CMYA5: variants seen among roughly 807,000 people sequenced by gnomAD.
CMYA5 encodes the protein cardiomyopathy-associated protein 5.
A neutral mutation model predicts 318.9 loss-of-function variants in CMYA5; 246 were observed. The ratio of observed to expected loss-of-function variants is 0.77; its 90% confidence interval spans 0.70 to 0.86. The LOEUF is 0.86. CMYA5 is among the 40% of genes least tolerant of loss of function. The probability of loss-of-function intolerance (pLI) is 0.00; values close to 1 mark genes in which losing one functional copy is unlikely to be tolerated. For synonymous variants in CMYA5, 1,641 were observed against 1,729.5 expected (o/e 0.95, Z 1.27); for missense variants, 4,589 against 4,678.2 (o/e 0.98, Z 0.56).
chr5:79,786,560 C>T (rs1363366161), intron 9 of CMYA5, among the ~76,000 whole-genome samples: 2 of 152,156 alleles, frequency 1.3e-5, no homozygotes, highest in African/African-American at 4.8e-5. Flanking sequence ...GCAAACTATG[C>T]AATGCTTGTT....
intron 1 of CMYA5, among the ~76,000 whole-genome samples, chr5:79,697,007 CAAA>C (rs77068414): frequency 7.3e-6 from 1 of 137,348 alleles, no homozygotes; most frequent in Non-Finnish European, 1.6e-5. Context: ...AACTCCATCT[CAAA>C]AAAAAAAAAT....
At chr5:79,710,932 A>G (rs191917688) in intron 1 of CMYA5, among the ~76,000 whole-genome samples, 1 of 152,296 alleles carries the variant, frequency 6.6e-6, no homozygotes. Flanking sequence ...TCCTGAAGAG[A>G]TGTAAGTGCT....
chr5:79,708,944 T>C (rs1161270377), intron 1 of CMYA5, among the ~76,000 whole-genome samples: 4 of 152,030 alleles, frequency 2.6e-5, no homozygotes, highest in Admixed American at 6.6e-5. Context: ...CCTGTCTCAA[T>C]TTTTTTTAAA....
At position 79,713,704 on chromosome 5, in the gene CMYA5, AT is replaced by A. The variant is rs1827457634; in HGVS notation, c.150-15210del. Among the ~76,000 whole-genome samples the A allele has an allele frequency of 2.6e-5, 4 of 152,212 alleles. No homozygotes were observed. In the South Asian group the frequency reaches 8.3e-4, roughly 32 times the overall value. ...GGCTCTTTTTTAACTCTGGAGAGAAATGATTTTTGTAATTCCAGAGTTCTCG... is the reference window on the plus strand; with the variant it reads ...GGCTCTTTTTTAACTCTGGAGAGAAAGATTTTTGTAATTCCAGAGTTCTCG... On this transcript the variant is annotated intron_variant, in intron 1 of 12. Coordinates refer to ENST00000446378, the MANE Select transcript of CMYA5 (RefSeq NM_153610.5).
rs141031593 is a variant in CMYA5 at position 79,775,561 on chromosome 5, A to G, written c.11555+12352A>G. Among the ~76,000 whole-genome samples the G allele has an allele frequency of 8.3e-3, 1,261 of 152,338 alleles. 17 individuals carry two copies. Among genetic ancestry groups the G allele is most frequent in the African/African-American group, 0.027 (1,136 of 41,574 alleles). On this transcript the variant is annotated intron_variant, in intron 9 of 12. Coordinates refer to ENST00000446378, the MANE Select transcript of CMYA5 (RefSeq NM_153610.5). ...AGGGGGAGACAGCAAGAGGAAAAAA[A>G]GAGATTACATAACTCATCTCTTTTT...
intron 7 of CMYA5, among the ~76,000 whole-genome samples, chr5:79,760,625 T>C (rs1348929346): frequency 6.6e-6 from 1 of 152,120 alleles, no homozygotes; most frequent in Non-Finnish European, 1.5e-5. Context: ...ACCAGATCTC[T>C]TGAGAACTCA....
At chr5:79,695,098 G>T (rs139607619) in intron 1 of CMYA5, among the ~76,000 whole-genome samples, 1 of 152,218 alleles carries the variant, frequency 6.6e-6, no homozygotes, top group African/African-American at 2.4e-5. Context: ...ACACAAAAAA[G>T]TCCATAGTCC....
Position 79,731,873 on chromosome 5 carries a change from C to T in CMYA5, c.3108C>T (p.Ser1036=). The change falls in exon 2 of 13, where the codon TCC becomes TCT. Residue 1036 remains serine, a synonymous_variant. Transcript: ENST00000446378. ...LLTAVSASGY[S]CFSEADEEDI... Reference sequence around the variant, plus strand: ...CTGCAGTGTCTGCTTCAGGTTATTCCTGCTTTTCAGAAGCAGATGAGGAAG... The same window carrying T: ...CTGCAGTGTCTGCTTCAGGTTATTCTTGCTTTTCAGAAGCAGATGAGGAAG... 6.2e-7 allele frequency: 1 copy of T among 1,613,512 alleles called. No individual in the cohort carries two copies. The highest frequency in any genetic ancestry group is 8.5e-7 in the Non-Finnish European group (1 of 1,179,746).
In CMYA5 at chr5:79,738,400, C is replaced by G. The variant is rs1828134273; in HGVS notation, c.9635C>G (p.Ser3212Cys). ...GEKKKEEETA[S>C]EGDSVNSEAS... ...AAAAAGAAGGAAGAGGAGACAGCTT[C>G]TGAAGGTGACAGTGTGAATTCTGAG... Residue 3212 changes from serine (S) to cysteine (C), a missense_variant, in exon 2 of 13, where the codon TCT (serine) becomes TGT (cysteine). By Grantham distance (112) the Ser-to-Cys change is moderately radical. This residue lies in a region of CMYA5 where 2,431 missense variants were observed against 2,495.1 expected (regional missense o/e 0.97). Coordinates refer to ENST00000446378, the MANE Select transcript of CMYA5 (RefSeq NM_153610.5). 6.2e-7 allele frequency: 1 copy of G among 1,613,764 alleles called. No homozygotes were observed.
intron 1 of CMYA5, among the ~76,000 whole-genome samples, chr5:79,690,964 A>G (rs1561623318): frequency 6.6e-6 from 1 of 152,258 alleles, no homozygotes; most frequent in Non-Finnish European, 1.5e-5. Context: ...ATGGATGGTC[A>G]GACAAGAAGT....
chr5:79,755,836 A>C (rs1003311265), intron 6 of CMYA5, among the ~76,000 whole-genome samples: 2 of 122,926 alleles, frequency 1.6e-5, no homozygotes, highest in Admixed American at 1.6e-4. Context: ...CAAAATTTCT[A>C]ACCTACATAC....
At chr5:79,755,215 G>T (rs983223240) in intron 6 of CMYA5, among the ~76,000 whole-genome samples, 1 of 152,056 alleles carries the variant, frequency 6.6e-6, no homozygotes, top group East Asian at 1.9e-4. Flanking sequence ...GCAGAGGGGT[G>T]ATTCTTCTAC....
chr5:79,762,370 A>C (rs1398659793), intron 8 of CMYA5: 1 of 161,068 alleles, frequency 6.2e-6, no homozygotes, highest in Non-Finnish European at 1.4e-5. Flanking sequence ...AGAGGCATCA[A>C]GGCAAGAAAC....
rs59212409 is a variant in CMYA5 at position 79,737,155 on chromosome 5, G to A, written c.8390G>A (p.Arg2797His). 9.7e-3 allele frequency: 15,723 copies of A among 1,612,796 alleles called. 1,304 individuals are homozygous for A. In the African/African-American group the frequency reaches 0.18, roughly 19 times the overall value. Reference protein sequence around the residue: ...PSKESERTLARPFDETKSSET... With the variant: ...PSKESERTLAHPFDETKSSET... ...AAAGAATCCGAAAGGACTTTAGCTCGTCCTTTTGATGAAACTAAGAGCTCA... is the reference window on the plus strand; with the variant it reads ...AAAGAATCCGAAAGGACTTTAGCTCATCCTTTTGATGAAACTAAGAGCTCA... Residue 2797 changes from arginine (R) to histidine (H), a missense_variant, in exon 2 of 13, where the codon CGT (arginine) becomes CAT (histidine). Physicochemically the swap from Arg to His is conservative, Grantham distance 29 (BLOSUM62 0). Around this residue, in one of 3 missense-constraint regions of CMYA5, gnomAD observed 2,431 missense variants for 2,495.1 expected, o/e 0.97. Coordinates refer to ENST00000446378, the MANE Select transcript of CMYA5 (RefSeq NM_153610.5).
At position 79,791,034 on chromosome 5, in the gene CMYA5, A is replaced by G; in HGVS notation, c.11754A>G (p.Thr3918=). 1 of 1,613,860 alleles carries G rather than the reference A, an allele frequency of 6.2e-7. No individual in the cohort carries two copies. Residue 3918 remains threonine (T), a synonymous_variant, in exon 11 of 13, where the codon ACA becomes ACG. Transcript: ENST00000446378. ...CTCTACACATTTCCTCAAGTGGGACAGTGATCAGCTTTGGTGAGAGGAGAC... is the reference window on the plus strand; with the variant it reads ...CTCTACACATTTCCTCAAGTGGGACGGTGATCAGCTTTGGTGAGAGGAGAC... ...HPALHISSSG[T]VISFGERRRL... is the part of the protein sequence containing the mutation.
rs1214940004 is a variant in CMYA5 at position 79,730,816 on chromosome 5, C to T, written c.2051C>T (p.Ala684Val). ...PEYMVLSGDEASESGCYTPDS... is the reference protein window; with the variant it reads ...PEYMVLSGDEVSESGCYTPDS... Reference sequence around the variant, plus strand: ...TACATGGTCCTATCAGGAGACGAGGCCTCAGAAAGTGGGTGTTACACACCA... The same window carrying T: ...TACATGGTCCTATCAGGAGACGAGGTCTCAGAAAGTGGGTGTTACACACCA... Residue 684 changes from alanine (A) to valine (V), a missense_variant, in exon 2 of 13, where the codon GCC becomes GTC. Ala to Val is a moderately conservative substitution (Grantham distance 64). This residue lies in a region of CMYA5 where 2,132 missense variants were observed against 2,131.3 expected (regional missense o/e 1.00). Coordinates refer to ENST00000446378, the MANE Select transcript of CMYA5 (RefSeq NM_153610.5). 1 of 1,613,852 alleles carries T rather than the reference C, an allele frequency of 6.2e-7. No homozygotes were observed. Among genetic ancestry groups the T allele is most frequent in the East Asian group, 2.2e-5 (1 of 44,874 alleles).
chr5:79,715,399 C>T (rs989367594), intron 1 of CMYA5, among the ~76,000 whole-genome samples: 5 of 152,032 alleles, frequency 3.3e-5, no homozygotes, highest in African/African-American at 7.3e-5. Flanking sequence ...GCCACTCTCC[C>T]GCCTCAGCCT....
rs1171263957 is a variant in CMYA5 at position 79,729,786 on chromosome 5, A to G, written c.1021A>G (p.Thr341Ala). 1 of 1,613,824 alleles carries G rather than the reference A, an allele frequency of 6.2e-7. No homozygotes were observed. Among genetic ancestry groups the G allele is most frequent in the Non-Finnish European group, 8.5e-7 (1 of 1,179,880 alleles). Residue 341 changes from threonine (T) to alanine (A), a missense_variant, in exon 2 of 13, where the codon ACA (threonine) becomes GCA (alanine). This residue lies in a region of CMYA5 where 2,132 missense variants were observed against 2,131.3 expected (regional missense o/e 1.00). Transcript: ENST00000446378. ...PLNATSALEH[T>A]VPSYSSSGRA... ...AAATGCCACATCTGCATTGGAGCACACAGTTCCCTCTTATTCAAGTAGTGG... is the reference window on the plus strand; with the variant it reads ...AAATGCCACATCTGCATTGGAGCACGCAGTTCCCTCTTATTCAAGTAGTGG...
At chr5:79,702,298 G>C (rs1025838342) in intron 1 of CMYA5, among the ~76,000 whole-genome samples, 2 of 151,880 alleles carry the variant, frequency 1.3e-5, no homozygotes, top group Non-Finnish European at 2.9e-5. Flanking sequence ...GAGATGGGAG[G>C]GTTGCTTAAG....
Sources: gnomAD v4.1 joint callset for allele counts (sites outside exome capture counted in the v4.1 genomes callset) on GRCh38, gnomAD v4.1.1 for gene constraint, gnomAD v4.1.1 regional missense constraint, MANE v1.5 for transcripts, NCBI Gene and HGNC (gene_info 2026-07-23, HGNC 2026-07-21) for gene names.